Variants in PPP1R9B observed in about 807,000 individuals in gnomAD.
PPP1R9B encodes neurabin-2.
In PPP1R9B, 17 loss-of-function variants were observed where a neutral mutation model predicts 75.8. The ratio of observed to expected loss-of-function variants is 0.22; its 90% CI spans 0.15 to 0.34. The LOEUF is 0.34. Ranked by LOEUF, PPP1R9B falls within the 10% of genes least tolerant of loss-of-function variation. The pLI, the probability that PPP1R9B is intolerant of heterozygous loss-of-function variation, is 1.00. For missense variants in PPP1R9B, 875 were observed against 1,196.0 expected, an observed-to-expected ratio of 0.73 and a Z score of 3.96; for synonymous variants, 509 against 535.4, an observed-to-expected ratio of 0.95 and a Z score of 0.68.
rs987268694 is a variant in PPP1R9B at position 50,149,462 on chromosome 17, G to T, written c.1052C>A (p.Ala351Asp). ...PAPEEPKAQA[A>D]PEKEAAAVAP... ...TACCGCCGCCGCCTCCTTCTCCGGG[G>T]CCGCTTGGGCCTTTGGCTCCTCGGG... The change falls in exon 1 of 10, where the codon GCC becomes GAC. Residue 351 changes from alanine to aspartate, a missense_variant. Transcript: ENST00000612501. This position sits in a 1 kb window ranked among gnomAD's most constrained non-coding sequence, Gnocchi z 7.2. 5 of 1,604,920 alleles carry T rather than the reference G, an allele frequency of 3.1e-6. No homozygotes were observed. In the African/African-American group the frequency reaches 6.7e-5, roughly 22 times the overall value.
In PPP1R9B at chr17:50,150,653, C is replaced by G. The variant is rs1912674179; in HGVS notation, c.-140G>C. 1 of 813,136 alleles carries G rather than the reference C, an allele frequency of 1.2e-6. No individual in the cohort carries two copies. Among genetic ancestry groups the G allele is most frequent in the African/African-American group, 1.8e-5 (1 of 55,410 alleles). 50.4% of individuals were successfully genotyped at this position (813,136 alleles called of 1,614,324 possible). On this transcript the variant is annotated 5_prime_UTR_variant, in exon 1 of 10. Coordinates refer to ENST00000612501, the MANE Select transcript of PPP1R9B (RefSeq NM_032595.5). The surrounding 1 kb of genome is among the most constrained non-coding windows in gnomAD (Gnocchi z 8.7). The stretch of plus-strand genomic sequence containing the variant: ...TTTTTAGGGTCCCCCCAAAACCAAG[C>G]TGCCAAAAACAGTTAATCCCGCTTT...
Position 50,149,824 on chromosome 17 carries a change from G to T in PPP1R9B, c.690C>A (p.Leu230=), listed in dbSNP as rs1003892445. 9 of 1,453,798 alleles carry T rather than the reference G, an allele frequency of 6.2e-6. No individual in the cohort carries two copies. The Middle Eastern group carries it at 5.3e-4, about 86-fold the overall frequency. The allele number at this position is 1,453,798 out of a possible 1,614,324, so 90.1% of individuals were successfully genotyped here. ...CCTGGGGAACCCCTGCGGCCCTGGGGAGCCCGGGCCCGCGGTGGAGGCCGG... is the reference window on the plus strand; with the variant it reads ...CCTGGGGAACCCCTGCGGCCCTGGGTAGCCCGGGCCCGCGGTGGAGGCCGG... ...SRTGLHRGPG[L]PRAAGVPQVN... Residue 230 remains leucine (L), a synonymous_variant, in exon 1 of 10, where the codon CTC becomes CTA. Coordinates refer to ENST00000612501, the MANE Select transcript of PPP1R9B (RefSeq NM_032595.5). This position sits in a 1 kb window ranked among gnomAD's most constrained non-coding sequence, Gnocchi z 7.2.
In PPP1R9B at chr17:50,150,107, G is replaced by A. The variant is rs1253574073; in HGVS notation, c.407C>T (p.Pro136Leu). 7 of 1,398,176 alleles carry A rather than the reference G, an allele frequency of 5.0e-6. No individual in the cohort carries two copies. The highest frequency in any genetic ancestry group is 1.6e-5 in the South Asian group (1 of 64,000). The allele number at this position is 1,398,176 out of a possible 1,614,324, so 86.6% of individuals were successfully genotyped here. Residue 136 changes from proline to leucine, a missense_variant, in exon 1 of 10, where the codon CCG becomes CTG. Transcript: ENST00000612501. The surrounding 1 kb of genome is among the most constrained non-coding windows in gnomAD (Gnocchi z 8.7). ...SKPAPSAQPA[P>L]PPHPPSRLQE... ...CAGCCGGGACGGCGGGTGCGGCGGC[G>A]GCGCAGGCTGCGCGGAGGGCGCGGG...
rs534007568 is a variant in PPP1R9B at position 50,134,787 on chromosome 17, G to A, written c.*544C>T. The A allele has an allele frequency of 1.5e-4, 25 of 163,946 alleles. No homozygotes were observed. The highest frequency in any genetic ancestry group is 2.9e-4 in the Admixed American group (5 of 17,048). 10.2% of individuals were successfully genotyped at this position (163,946 alleles called of 1,614,324 possible). A position where few individuals can be genotyped will look rare whatever the true frequency, so the allele number is the denominator to read the frequency against. ...TCCCAGGACAGGGAACAGGGATGGG[G>A]GAGGTGTTGAGGCAACGCCCCCACC... On this transcript the variant is annotated 3_prime_UTR_variant, in exon 10 of 10. Coordinates refer to ENST00000612501, the MANE Select transcript of PPP1R9B (RefSeq NM_032595.5).
chr17:50,147,050 A>T (rs2015722224), intron 1 of PPP1R9B, among the ~76,000 whole-genome samples: 2 of 152,048 alleles, frequency 1.3e-5, no homozygotes, highest in Non-Finnish European at 2.9e-5. Flanking sequence ...ATGGACACAC[A>T]CGCCCGCTGT....
Position 50,136,151 on chromosome 17 carries a change from G to A in PPP1R9B, c.2120C>T (p.Ala707Val). ...QEKGRWRVEK[A>V]QLEQSVEENK... ...CTCCTCCACACTCTGCTCCAACTGC[G>A]CCTTCTCCACCCGCCAGCGCCCCTT... Residue 707 changes from alanine (A) to valine (V), a missense_variant, in exon 8 of 10, where the codon GCG (alanine) becomes GTG (valine). By Grantham distance (64) the Ala-to-Val change is moderately conservative. Transcript: ENST00000612501. 4.4e-6 allele frequency: 7 copies of A among 1,604,444 alleles called. No homozygotes were observed. The highest frequency in any genetic ancestry group is 5.9e-6 in the Non-Finnish European group (7 of 1,179,786).
chr17:50,135,276 G>A lies in PPP1R9B; in HGVS notation c.*55C>T, dbSNP rs371409908. On this transcript the variant is annotated 3_prime_UTR_variant, in exon 10 of 10. Transcript: ENST00000612501. Reference sequence around the variant, plus strand: ...GAGGGGTGGGGTGTTGAGGACAGGGGAGGGAGGACAATGGGAGGGGGGTTA... The same window carrying A: ...GAGGGGTGGGGTGTTGAGGACAGGGAAGGGAGGACAATGGGAGGGGGGTTA... 6.2e-5 allele frequency: 92 copies of A among 1,479,376 alleles called. No homozygotes were observed. In the Middle Eastern group the frequency reaches 4.4e-3, roughly 71 times the overall value. 91.6% of individuals were successfully genotyped at this position (1,479,376 alleles called of 1,614,324 possible).
chr17:50,148,954 C>T (rs1034487898), intron 1 of PPP1R9B, among the ~76,000 whole-genome samples, 189 bp downstream of exon 1: 7 of 152,008 alleles, frequency 4.6e-5, no homozygotes, highest in Non-Finnish European at 1.5e-5. Flanking sequence ...CCTCGCACAC[C>T]TGAAAATCCC....
chr17:50,146,745 A>G (rs781050147), intron 1 of PPP1R9B, among the ~76,000 whole-genome samples: 10 of 152,224 alleles, frequency 6.6e-5, no homozygotes, highest in Non-Finnish European at 1.3e-4. Context: ...CCTACCTTGC[A>G]CATAGTCCAG....
intron 1 of PPP1R9B, among the ~76,000 whole-genome samples, chr17:50,148,681 T>C (rs960219583): frequency 6.6e-6 from 1 of 152,182 alleles, no homozygotes; most frequent in Non-Finnish European, 1.5e-5. Context: ...TTCCCCTTTC[T>C]CACCTCATCC....
Position 50,150,582 on chromosome 17 carries a change from C to A in PPP1R9B, c.-69G>T. ...CGCTTCAACAGGCGGCTGGCCAAGTCGGGACCACCGCCCCCTCCCCCCGAT... is the reference window on the plus strand; with the variant it reads ...CGCTTCAACAGGCGGCTGGCCAAGTAGGGACCACCGCCCCCTCCCCCCGAT... On this transcript the variant is annotated 5_prime_UTR_variant, in exon 1 of 10. Transcript: ENST00000612501. This position sits in a 1 kb window ranked among gnomAD's most constrained non-coding sequence, Gnocchi z 8.7. The A allele has an allele frequency of 8.0e-7, 1 of 1,250,630 alleles. No individual in the cohort carries two copies. The highest frequency in any genetic ancestry group is 3.1e-5 in the South Asian group (1 of 32,656). 77.5% of individuals were successfully genotyped at this position (1,250,630 alleles called of 1,614,324 possible).
Position 50,135,239 on chromosome 17 carries a change from G to A in PPP1R9B, c.*92C>T. ...GGGGGAGTCGGGGCACCTGTCCCCAGGCTGGAAGGGGGAGGGGTGGGGTGT... is the reference window on the plus strand; with the variant it reads ...GGGGGAGTCGGGGCACCTGTCCCCAAGCTGGAAGGGGGAGGGGTGGGGTGT... On this transcript the variant is annotated 3_prime_UTR_variant, in exon 10 of 10. Coordinates refer to ENST00000612501, the MANE Select transcript of PPP1R9B (RefSeq NM_032595.5). 3.6e-6 allele frequency: 4 copies of A among 1,108,696 alleles called. No individual in the cohort carries two copies. The highest frequency in any genetic ancestry group is 5.4e-6 in the Non-Finnish European group (4 of 739,906). 68.7% of individuals were successfully genotyped at this position (1,108,696 alleles called of 1,614,324 possible).
At chr17:50,144,184 G>A (rs1182438599) in intron 2 of PPP1R9B, among the ~76,000 whole-genome samples, 2 of 152,070 alleles carry the variant, frequency 1.3e-5, no homozygotes, top group African/African-American at 2.4e-5. Flanking sequence ...CCTGACTCAT[G>A]GCCCTCTGAT....
intron 1 of PPP1R9B, chr17:50,146,262 G>C (rs944240947): frequency 6.6e-6 from 1 of 152,466 alleles, no homozygotes; most frequent in East Asian, 1.9e-4. Flanking sequence ...GGTGCCCCCA[G>C]TGGGAGGTTA....
chr17:50,144,698 T>C (rs1291124538), intron 2 of PPP1R9B, among the ~76,000 whole-genome samples: 2 of 152,146 alleles, frequency 1.3e-5, no homozygotes, highest in African/African-American at 2.4e-5. Context: ...GCTTTTACAG[T>C]GGCCCCTCCT....
chr17:50,138,452 G>T (rs1054420492), intron 7 of PPP1R9B, among the ~76,000 whole-genome samples: 25 of 151,920 alleles, frequency 1.6e-4, no homozygotes, highest in African/African-American at 4.8e-5. Context: ...GGGTGAGGGG[G>T]TCTGTGGGTA....
Position 50,145,262 on chromosome 17 carries a change from C to T in PPP1R9B, c.1372-17G>A. 1 of 1,612,456 alleles carries T rather than the reference C, an allele frequency of 6.2e-7. No individual in the cohort carries two copies. ...GCTGAACACCTGGGGAGGGAGGCAGCTGGTCAGAGAGGCCGGCAGGAGGAC... is the reference window on the plus strand; with the variant it reads ...GCTGAACACCTGGGGAGGGAGGCAGTTGGTCAGAGAGGCCGGCAGGAGGAC... On this transcript the variant is annotated splice_polypyrimidine_tract_variant and intron_variant, in intron 1 of 9. Coordinates refer to ENST00000612501, the MANE Select transcript of PPP1R9B (RefSeq NM_032595.5).
At chr17:50,148,600 G>C (rs1269954675) in intron 1 of PPP1R9B, among the ~76,000 whole-genome samples, 1 of 152,240 alleles carries the variant, frequency 6.6e-6, no homozygotes, top group South Asian at 2.1e-4. Flanking sequence ...AAGTTGGGGT[G>C]GGGGTACAAA....
intron 2 of PPP1R9B, 106 bp downstream of exon 2, chr17:50,145,007 C>A (rs1369479721): frequency 2.2e-6 from 3 of 1,384,640 alleles, no homozygotes; most frequent in African/African-American, 2.9e-5. Context: ...AGAGGCCCAG[C>A]AAGTCTGTGG....
Sources: allele counts gnomAD v4.1 joint callset (sites outside exome capture counted in the v4.1 genomes callset), GRCh38; gene constraint gnomAD v4.1.1; non-coding constraint Gnocchi (gnomAD v3.1); transcripts MANE v1.5; gene names NCBI Gene and HGNC (gene_info 2026-07-23, HGNC 2026-07-21).